Variants in TBCK observed in about 807,000 individuals in gnomAD.
TBCK encodes the protein TBC domain-containing protein kinase-like protein.
TBCK carries 99 observed loss-of-function variants against 113.4 expected under a neutral mutation model. The observed-to-expected ratio is 0.87, with a 90% CI of 0.74 to 1.03. The LOEUF (loss-of-function observed/expected upper bound fraction) is 1.03. Among genes scored for constraint, TBCK ranks in the 50% least tolerant of loss-of-function variants. The probability of loss-of-function intolerance (pLI) is 0.00; values close to 1 mark genes in which losing one functional copy is unlikely to be tolerated. For missense variants in TBCK, 1,045 were observed against 1,061.3 expected (o/e 0.98, Z 0.21); for synonymous variants, 369 against 370.8 (o/e 1.00, Z 0.05).
At chr4:106,206,232 G>T (rs1755480529) in intron 20 of TBCK, among the ~76,000 whole-genome samples, 1 of 145,610 alleles carries the variant, frequency 6.9e-6, no homozygotes, top group African/African-American at 2.6e-5. Flanking sequence ...ATTAGAAACA[G>T]ATGTGGGGGT....
intron 9 of TBCK, 99 bp downstream of exon 9, chr4:106,248,146 T>C (rs954019359): frequency 5.9e-6 from 4 of 682,282 alleles, no homozygotes; most frequent in South Asian, 2.6e-5. Context: ...CTACTCCATA[T>C]GTACATTATC....
chr4:106,286,207 A>G (rs1160975993), intron 3 of TBCK, among the ~76,000 whole-genome samples: 4 of 152,260 alleles, frequency 2.6e-5, no homozygotes, highest in Admixed American at 2.6e-4. Flanking sequence ...TGTTAAGGCT[A>G]CTATATGTTC....
intron 23 of TBCK, among the ~76,000 whole-genome samples, chr4:106,166,890 G>C (rs1750428173): frequency 6.6e-6 from 1 of 151,146 alleles, no homozygotes. Context: ...ATACAGAAAA[G>C]ATGGTACAAT....
chr4:106,083,649 G>C (rs1402289459), intron 25 of TBCK, among the ~76,000 whole-genome samples: 1 of 152,172 alleles, frequency 6.6e-6, no homozygotes, highest in Non-Finnish European at 1.5e-5. Flanking sequence ...CATCCAACAG[G>C]GGTTATCAGA....
At chr4:106,096,159 T>G (rs1740875345) in intron 24 of TBCK, among the ~76,000 whole-genome samples, 1 of 152,234 alleles carries the variant, frequency 6.6e-6, no homozygotes, top group Non-Finnish European at 1.5e-5. Flanking sequence ...AGAGAATTTA[T>G]GATCATGGGT....
At chr4:106,181,330 C>G (rs964035046) in intron 22 of TBCK, among the ~76,000 whole-genome samples, 1 of 152,166 alleles carries the variant, frequency 6.6e-6, no homozygotes, top group Non-Finnish European at 1.5e-5. Context: ...CCTGTTCACT[C>G]TGATGATAGA....
intron 23 of TBCK, among the ~76,000 whole-genome samples, chr4:106,150,213 G>A (rs187963379): frequency 3.2e-4 from 48 of 151,864 alleles, no homozygotes; most frequent in African/African-American, 1.1e-3. Context: ...GTTAACTTGC[G>A]GCAAAAGGTT....
At chr4:106,239,108 T>C (rs1234436099) in intron 12 of TBCK, among the ~76,000 whole-genome samples, 2 of 152,080 alleles carry the variant, frequency 1.3e-5, no homozygotes, top group Admixed American at 1.3e-4. Flanking sequence ...GGGAAACTCT[T>C]CGGTCAGGTC....
chr4:106,154,565 A>G (rs1748903372), intron 23 of TBCK, among the ~76,000 whole-genome samples: 1 of 152,142 alleles, frequency 6.6e-6, no homozygotes, highest in Non-Finnish European at 1.5e-5. Context: ...GCTTAACACC[A>G]CCGTCCTTGG....
chr4:106,139,500 A>G lies in TBCK; in HGVS notation c.2236-23122T>C, dbSNP rs1384722601. 1.4e-5 allele frequency among the ~76,000 whole-genome samples: 2 copies of G among 141,604 alleles called. 1 individual carries two copies. Among genetic ancestry groups the G allele is most frequent in the African/African-American group, 5.0e-5 (2 of 40,074 alleles). The allele number at this position is 141,604 out of a possible 152,430, so 92.9% of individuals were successfully genotyped here. Reference sequence around the variant, plus strand: ...GAGTATTCAGCTGTCTCTAATCTTTAATCATTTATTTTAACACACCACAAA... The same window carrying G: ...GAGTATTCAGCTGTCTCTAATCTTTGATCATTTATTTTAACACACCACAAA... On this transcript the variant is annotated intron_variant, in intron 23 of 25. Coordinates refer to ENST00000394708, the MANE Select transcript of TBCK (RefSeq NM_001163435.3).
At chr4:106,229,129 A>G (rs1758567209) in intron 19 of TBCK, among the ~76,000 whole-genome samples, 1 of 151,804 alleles carries the variant, frequency 6.6e-6, no homozygotes, top group Non-Finnish European at 1.5e-5. Context: ...TGAGCTTCCT[A>G]TATATTCTGG....
intron 25 of TBCK, among the ~76,000 whole-genome samples, chr4:106,072,960 G>T (rs893155944): frequency 6.6e-6 from 1 of 152,130 alleles, no homozygotes; most frequent in African/African-American, 2.4e-5. Context: ...GTCACTTAAG[G>T]TCTTCTCTAC....
chr4:106,298,086 T>C (rs548464057), intron 2 of TBCK, among the ~76,000 whole-genome samples: 30 of 152,324 alleles, frequency 2.0e-4, no homozygotes, highest in African/African-American at 6.7e-4. Context: ...ACATACTCTA[T>C]TCTACATTTT....
chr4:106,269,880 T>C (rs1763316862), intron 3 of TBCK, among the ~76,000 whole-genome samples: 1 of 152,162 alleles, frequency 6.6e-6, no homozygotes, highest in Non-Finnish European at 1.5e-5. Flanking sequence ...CAAATACATA[T>C]GGAAAACATA....
intron 24 of TBCK, among the ~76,000 whole-genome samples, chr4:106,106,899 C>T (rs1036174378): frequency 5.3e-5 from 8 of 152,034 alleles, no homozygotes; most frequent in African/African-American, 1.7e-4. Context: ...GACTATCTCA[C>T]ACATAATGAC....
chr4:106,282,949 T>C (rs1764759209), intron 3 of TBCK, among the ~76,000 whole-genome samples: 1 of 152,066 alleles, frequency 6.6e-6, no homozygotes, highest in Non-Finnish European at 1.5e-5. Context: ...GCCAACAACC[T>C]TTATCAGCTT....
chr4:106,235,276 C>T lies in TBCK; in HGVS notation c.1442G>A (p.Gly481Glu). ...CTTTTCTTTTTTCCTTACCTCAACT[C>T]CCAGAAGAGCAGCCCAGGTTAAACC... ...MRGLTWAALL[G>E]VEGAIHAKYD... is the part of the protein sequence containing the mutation. Residue 481 changes from glycine (G) to glutamate (E), a missense_variant, in exon 15 of 26, where the codon GGA becomes GAA. Gly to Glu is a moderately conservative substitution (Grantham distance 98). Transcript: ENST00000394708. 1.3e-6 allele frequency: 2 copies of T among 1,599,332 alleles called. No homozygotes were observed. Among genetic ancestry groups the T allele is most frequent in the Non-Finnish European group, 8.5e-7 (1 of 1,173,706 alleles).
chr4:106,266,529 G>T (rs1763009454), intron 3 of TBCK, among the ~76,000 whole-genome samples: 1 of 151,806 alleles, frequency 6.6e-6, no homozygotes, highest in Admixed American at 6.6e-5. Context: ...TTTGCTAATT[G>T]TGAGCTATTA....
chr4:106,105,658 G>A (rs992587833), intron 24 of TBCK, among the ~76,000 whole-genome samples: 1 of 152,126 alleles, frequency 6.6e-6, no homozygotes, highest in African/African-American at 2.4e-5. Flanking sequence ...CCTCACTAAC[G>A]TAACCCACTC....
Sources: gnomAD v4.1 joint callset for allele counts (sites outside exome capture counted in the v4.1 genomes callset) on GRCh38, gnomAD v4.1.1 for gene constraint, MANE v1.5 for transcripts, NCBI Gene and HGNC (gene_info 2026-07-23, HGNC 2026-07-21) for gene names.